The following NUBPL variants were observed in gnomAD, a reference collection of about 807,000 sequenced individuals.
NUBPL encodes the protein NUBP iron-sulfur cluster assembly factor, mitochondrial, also known as iron-sulfur cluster transfer protein NUBPL.
Under a neutral mutation model 45.7 loss-of-function variants are expected in NUBPL, and 31 were observed. The ratio of observed to expected loss-of-function variants is 0.68; its 90% CI spans 0.51 to 0.92. The LOEUF is 0.92. NUBPL is among the 40% of genes least tolerant of loss of function. NUBPL has a pLI of 0.00. For missense variants in NUBPL, 401 were observed against 398.7 expected, an observed-to-expected ratio of 1.01 and a Z score of -0.05; for synonymous variants, 144 against 140.9, an observed-to-expected ratio of 1.02 and a Z score of -0.15.
At chr14:31,574,812 C>T (rs1458548523) in intron 3 of NUBPL, among the ~76,000 whole-genome samples, 1 of 151,798 alleles carries the variant, frequency 6.6e-6, no homozygotes, top group Non-Finnish European at 1.5e-5. Flanking sequence ...AACTCCTGAC[C>T]TCAGGTGATC....
intron 4 of NUBPL, among the ~76,000 whole-genome samples, chr14:31,637,912 C>T (rs955583618): frequency 4.6e-5 from 7 of 152,080 alleles, no homozygotes; most frequent in African/African-American, 1.7e-4. Flanking sequence ...GATTGCAACG[C>T]CTGCCTTTTT....
chr14:31,646,041 C>T (rs921434035), intron 4 of NUBPL, among the ~76,000 whole-genome samples: 1 of 151,962 alleles, frequency 6.6e-6, no homozygotes, highest in African/African-American at 2.4e-5. Flanking sequence ...TGAAGAACTC[C>T]CTTTAGGATT....
intron 7 of NUBPL, 21 bp downstream of exon 7, chr14:31,787,894 G>A (rs554791996): frequency 6.5e-7 from 1 of 1,534,648 alleles, no homozygotes; most frequent in East Asian, 2.3e-5. Context: ...AAAGTTTAAA[G>A]TAATTTGTAC....
chr14:31,761,115 G>A (rs1248193817), intron 6 of NUBPL, among the ~76,000 whole-genome samples: 1 of 152,100 alleles, frequency 6.6e-6, no homozygotes, highest in Non-Finnish European at 1.5e-5. Context: ...AATGTTTTCA[G>A]CAGCCACAAC....
At position 31,860,898 on chromosome 14, in the gene NUBPL, C is replaced by T. The variant is rs181781975; in HGVS notation, c.*1718C>T. 7.3e-4 allele frequency: 111 copies of T among 152,138 alleles called. No homozygotes were observed. The highest frequency in any genetic ancestry group is 2.3e-3 in the African/African-American group (96 of 41,488). 9.4% of individuals were successfully genotyped at this position (152,138 alleles called of 1,614,324 possible). A position where few individuals can be genotyped will look rare whatever the true frequency, so the allele number is the denominator to read the frequency against. On this transcript the variant is annotated 3_prime_UTR_variant, in exon 11 of 11. Coordinates refer to ENST00000281081, the MANE Select transcript of NUBPL (RefSeq NM_025152.3). ...AGGCCAATTTAAAAAGGTTTTGTAC[C>T]AAAAGATTCCATTTATATAACGTTC... is the stretch of plus-strand genomic sequence containing the variant.
rs545222293 is a variant in NUBPL at position 31,627,437 on chromosome 14, T to C, written c.382+28058T>C. ...CTGAGTATTTCATTATAGCATAATA[T>C]AGTGCAGTGGTTCTAAGACTTTTTG... On this transcript the variant is annotated intron_variant, in intron 4 of 10. Coordinates refer to ENST00000281081, the MANE Select transcript of NUBPL (RefSeq NM_025152.3). Among the ~76,000 whole-genome samples the C allele has an allele frequency of 1.2e-4, 19 of 152,186 alleles. No homozygotes were observed. In the East Asian group the frequency reaches 2.1e-3, roughly 17 times the overall value.
At chr14:31,820,079 G>A (rs1239341942) in intron 7 of NUBPL, among the ~76,000 whole-genome samples, 1 of 148,504 alleles carries the variant, frequency 6.7e-6, no homozygotes, top group African/African-American at 2.6e-5. Flanking sequence ...GGCGGAGCTT[G>A]CAGTGATCCG....
At chr14:31,654,412 C>CT (rs747651197) in intron 4 of NUBPL, among the ~76,000 whole-genome samples, 2,589 of 136,616 alleles carry the variant, frequency 0.019, 88 homozygotes, top group African/African-American at 0.061. Flanking sequence ...TTTTTTTTTT[C>CT]TTTTTTTTTT....
chr14:31,709,032 C>T (rs372522267), intron 6 of NUBPL, among the ~76,000 whole-genome samples: 81 of 152,274 alleles, frequency 5.3e-4, no homozygotes, highest in African/African-American at 1.8e-3. Flanking sequence ...ACTAAGGCTG[C>T]GGTCTTTCTC....
chr14:31,716,824 C>G (rs2037699073), intron 6 of NUBPL, among the ~76,000 whole-genome samples: 1 of 152,134 alleles, frequency 6.6e-6, no homozygotes, highest in Admixed American at 6.5e-5. Flanking sequence ...ATTGACACTA[C>G]CAACCACCTA....
At chr14:31,748,302 GT>G (rs1381904724) in intron 6 of NUBPL, among the ~76,000 whole-genome samples, 1 of 152,162 alleles carries the variant, frequency 6.6e-6, no homozygotes, top group Non-Finnish European at 1.5e-5. Context: ...TTCTGTTAAT[GT>G]TTGTTAGGTC....
chr14:31,743,781 A>G (rs922887182), intron 6 of NUBPL, among the ~76,000 whole-genome samples: 1 of 152,164 alleles, frequency 6.6e-6, no homozygotes, highest in African/African-American at 2.4e-5. Context: ...GAGAGAAAAC[A>G]CTTTTGAGGA....
chr14:31,831,492 C>CCATAG, intron 8 of NUBPL, among the ~76,000 whole-genome samples: 1 of 151,578 alleles, frequency 6.6e-6, no homozygotes, highest in South Asian at 2.1e-4. Flanking sequence ...CCATACCATA[C>CCATAG]CATACCATAC....
At chr14:31,730,451 G>A (rs8018137) in intron 6 of NUBPL, among the ~76,000 whole-genome samples, 23,877 of 151,524 alleles carry the variant, frequency 0.16, 5,393 homozygotes, top group African/African-American at 0.5. Flanking sequence ...ATCATCTGCT[G>A]GATCAAGTAA....
chr14:31,640,216 C>T (rs955953768), intron 4 of NUBPL, among the ~76,000 whole-genome samples: 7 of 152,244 alleles, frequency 4.6e-5, no homozygotes, highest in African/African-American at 1.2e-4. Flanking sequence ...TGTTCCTATT[C>T]GGCCATCTTG....
At position 31,668,260 on chromosome 14, in the gene NUBPL, G is replaced by C. The variant is rs138413392; in HGVS notation, c.383-5095G>C. On this transcript the variant is annotated intron_variant, in intron 4 of 10. Transcript: ENST00000281081. ...CTTTCTTTCAGAGATTCCCTGCCCA[G>C]TGAGGAGGAATCTAGAGAGGCAGTC... Among the ~76,000 whole-genome samples, 144 of 152,318 alleles carry C rather than the reference G, an allele frequency of 9.5e-4. 5 individuals carry two copies. The East Asian group carries it at 0.026, about 28-fold the overall frequency.
intron 6 of NUBPL, among the ~76,000 whole-genome samples, chr14:31,742,125 T>C (rs1053772998): frequency 6.6e-6 from 1 of 152,024 alleles, no homozygotes; most frequent in Non-Finnish European, 1.5e-5. Flanking sequence ...ACAATAGATA[T>C]GACCCTAATT....
At chr14:31,737,826 C>G (rs569787090) in intron 6 of NUBPL, among the ~76,000 whole-genome samples, 6 of 152,224 alleles carry the variant, frequency 3.9e-5, no homozygotes, top group Admixed American at 1.3e-4. Context: ...GGTAGTCGCA[C>G]TTACTTAACA....
intron 4 of NUBPL, among the ~76,000 whole-genome samples, chr14:31,628,575 G>A (rs889731636): frequency 4.6e-5 from 7 of 152,132 alleles, no homozygotes; most frequent in Non-Finnish European, 1.0e-4. Flanking sequence ...GTTCTTTGAA[G>A]TCGTAGGTTT....
Sources: allele counts gnomAD v4.1 joint callset (sites outside exome capture counted in the v4.1 genomes callset), GRCh38; gene constraint gnomAD v4.1.1; transcripts MANE v1.5; gene names NCBI Gene and HGNC (gene_info 2026-07-23, HGNC 2026-07-21).